TYW1: variants seen among roughly 807,000 people sequenced by gnomAD.
TYW1 encodes tRNA-yW synthesizing protein 1 homolog, also known as S-adenosyl-L-methionine-dependent tRNA 4-demethylwyosine synthase TYW1.
A neutral mutation model predicts 96.2 loss-of-function variants in TYW1; 46 were observed. The observed-to-expected ratio is 0.48, with a 90% CI of 0.38 to 0.61. The LOEUF is 0.61. TYW1 is among the 20% of genes least tolerant of loss of function. The pLI, the probability that TYW1 is intolerant of heterozygous loss-of-function variation, is 0.00. For synonymous variants in TYW1, 274 were observed against 323.0 expected, an observed-to-expected ratio of 0.85 and a Z score of 1.63; for missense variants, 684 against 909.6, an observed-to-expected ratio of 0.75 and a Z score of 3.19.
At chr7:67,211,275 G>A (rs4501481) in intron 15 of TYW1, among the ~76,000 whole-genome samples, 4 of 149,820 alleles carry the variant, frequency 2.7e-5, no homozygotes, top group Non-Finnish European at 3.0e-5. Flanking sequence ...GGTTCAACTT[G>A]CAGTCTTTTG....
At chr7:67,165,468 C>T (rs1043761945) in intron 13 of TYW1, among the ~76,000 whole-genome samples, 18 of 151,128 alleles carry the variant, frequency 1.2e-4, no homozygotes, top group Middle Eastern at 6.8e-3. Flanking sequence ...ATAATATAAC[C>T]AATTCCGTGT....
intron 10 of TYW1, among the ~76,000 whole-genome samples, chr7:67,068,359 C>G (rs1438998431): frequency 3.3e-5 from 5 of 152,198 alleles, no homozygotes; most frequent in African/African-American, 9.7e-5. Context: ...GAACTGCTTA[C>G]TCTTCAACTC....
At chr7:67,158,444 A>G (rs1422275306) in intron 13 of TYW1, among the ~76,000 whole-genome samples, 3 of 152,012 alleles carry the variant, frequency 2.0e-5, no homozygotes, top group African/African-American at 4.8e-5. Context: ...TTTCATCGTC[A>G]ATTGATATGA....
At chr7:67,152,572 C>G (rs944868451) in intron 13 of TYW1, among the ~76,000 whole-genome samples, 14 of 152,078 alleles carry the variant, frequency 9.2e-5, no homozygotes, top group African/African-American at 3.4e-4. Context: ...ACTCAACGTG[C>G]TGCTTACACA....
rs200927488 is a variant in TYW1 at position 67,033,695 on chromosome 7, A to AG, written c.984+8673_984+8674insG. 6.7e-3 allele frequency among the ~76,000 whole-genome samples: 935 copies of AG among 140,590 alleles called. 11 individuals carry two copies. Among genetic ancestry groups the AG allele is most frequent in the Non-Finnish European group, 8.8e-3 (566 of 64,472 alleles). 92.2% of individuals were successfully genotyped at this position (140,590 alleles called of 152,430 possible). On this transcript the variant is annotated intron_variant, in intron 7 of 15. Transcript: ENST00000359626. ...CTCTTTCATCTCTGTGATCTGGGGG[A>AG]CCCTTTTTTTTTTTTTTTGAGACGG...
intron 12 of TYW1, among the ~76,000 whole-genome samples, chr7:67,117,230 A>AG (rs1482658542): frequency 6.6e-6 from 1 of 152,218 alleles, no homozygotes; most frequent in Non-Finnish European, 1.5e-5. Flanking sequence ...TATTTGAAGA[A>AG]GGACCAATTT....
At chr7:67,092,936 G>C (rs1796773182) in intron 11 of TYW1, among the ~76,000 whole-genome samples, 1 of 151,954 alleles carries the variant, frequency 6.6e-6, no homozygotes. Flanking sequence ...ACCTGCCTCA[G>C]CCTCCCAAAG....
chr7:67,036,867 A>T (rs1208334091), intron 7 of TYW1, among the ~76,000 whole-genome samples: 1 of 152,186 alleles, frequency 6.6e-6, no homozygotes, highest in East Asian at 1.9e-4. Flanking sequence ...GGTTGACATC[A>T]TTTACCAGCC....
At chr7:67,029,484 C>T (rs543253835) in intron 7 of TYW1, among the ~76,000 whole-genome samples, 41 of 141,130 alleles carry the variant, frequency 2.9e-4, no homozygotes, top group African/African-American at 9.8e-4. Flanking sequence ...GTTCTGACAT[C>T]GATCTCTGGC....
intron 12 of TYW1, among the ~76,000 whole-genome samples, chr7:67,107,028 G>A (rs1483100493): frequency 3.3e-5 from 5 of 152,110 alleles, no homozygotes; most frequent in Non-Finnish European, 7.3e-5. Flanking sequence ...GTTTTCTTTA[G>A]TTTTTGCTGA....
chr7:67,149,760 A>ATCTATCTG (rs1279404298), intron 13 of TYW1, among the ~76,000 whole-genome samples: 1 of 84,370 alleles, frequency 1.2e-5, no homozygotes, highest in Non-Finnish European at 2.5e-5. Flanking sequence ...CTATCTATCT[A>ATCTATCTG]TCTATCTATC....
chr7:67,100,850 C>CAAAAAAA (rs57665696), intron 12 of TYW1, among the ~76,000 whole-genome samples: 1 of 75,616 alleles, frequency 1.3e-5, no homozygotes, highest in African/African-American at 5.3e-5. Context: ...GGCTACAGAG[C>CAAAAAAA]AAAAAAAAAA....
chr7:67,079,690 A>G (rs914801555), intron 10 of TYW1, among the ~76,000 whole-genome samples: 1 of 151,940 alleles, frequency 6.6e-6, no homozygotes, highest in Non-Finnish European at 1.5e-5. Context: ...TGTTAGATTG[A>G]TATTTGAAAT....
chr7:67,228,009 C>G (rs2116437666), intron 15 of TYW1, among the ~76,000 whole-genome samples: 1 of 152,312 alleles, frequency 6.6e-6, no homozygotes, highest in South Asian at 2.1e-4. Context: ...GAACTTTGCA[C>G]TGGTGAATGT....
At chr7:67,174,486 G>A (rs1799605204) in intron 13 of TYW1, among the ~76,000 whole-genome samples, 1 of 149,236 alleles carries the variant, frequency 6.7e-6, no homozygotes, top group Non-Finnish European at 1.5e-5. Flanking sequence ...TTTCAAGAGT[G>A]AAGGAGAAAA....
At chr7:67,124,225 C>A (rs1797848886) in intron 13 of TYW1, among the ~76,000 whole-genome samples, 1 of 152,122 alleles carries the variant, frequency 6.6e-6, no homozygotes, top group Admixed American at 6.6e-5. Context: ...AAATTGAAAT[C>A]ATGTTGTACA....
At chr7:67,021,176 C>G (rs1442564166) in intron 6 of TYW1, among the ~76,000 whole-genome samples, 1 of 152,282 alleles carries the variant, frequency 6.6e-6, no homozygotes, top group Admixed American at 6.5e-5. Context: ...TTCTTGTTTC[C>G]CTTAAATTAC....
chr7:67,000,675 A>G (rs1352722996), intron 3 of TYW1, among the ~76,000 whole-genome samples: 4 of 152,160 alleles, frequency 2.6e-5, no homozygotes, highest in Non-Finnish European at 5.9e-5. Context: ...CCTGGCTTCA[A>G]GATATTCACC....
intron 9 of TYW1, among the ~76,000 whole-genome samples, chr7:67,063,798 T>A (rs927010403): frequency 3.3e-5 from 5 of 152,104 alleles, no homozygotes; most frequent in African/African-American, 9.7e-5. Context: ...GAGACGGGGT[T>A]TCACCATGTT....
Sources: gnomAD v4.1 joint callset for allele counts (sites outside exome capture counted in the v4.1 genomes callset) on GRCh38, gnomAD v4.1.1 for gene constraint, MANE v1.5 for transcripts, NCBI Gene and HGNC (gene_info 2026-07-23, HGNC 2026-07-21) for gene names.